Variants in SLC25A21 observed in about 807,000 individuals in gnomAD.
SLC25A21 encodes the protein mitochondrial 2-oxodicarboxylate carrier.
In SLC25A21, 47 loss-of-function variants were observed where a neutral mutation model predicts 43.8. The observed-to-expected ratio is 1.07, with a 90% CI of 0.85 to 1.37. The LOEUF is 1.37. Ranked by LOEUF, SLC25A21 falls within the 40% of genes most tolerant of loss-of-function variation. The pLI is 0.00. For synonymous variants in SLC25A21, 131 were observed against 121.3 expected, an observed-to-expected ratio of 1.08 and a Z score of -0.52; for missense variants, 352 against 350.2, an observed-to-expected ratio of 1.00 and a Z score of -0.04.
chr14:36,684,456 T>A (rs775827844), intron 8 of SLC25A21, among the ~76,000 whole-genome samples: 5 of 152,160 alleles, frequency 3.3e-5, no homozygotes, highest in African/African-American at 4.8e-5. Context: ...TCTGCCTATA[T>A]ATTAGAAGGA....
At chr14:37,145,313 T>C (rs925927403) in intron 1 of SLC25A21, among the ~76,000 whole-genome samples, 2 of 152,024 alleles carry the variant, frequency 1.3e-5, no homozygotes, top group Non-Finnish European at 2.9e-5. Context: ...TTGCCCAGGC[T>C]GGAGTCAAAC....
intron 2 of SLC25A21, among the ~76,000 whole-genome samples, chr14:36,849,367 G>A (rs1188963597): frequency 6.6e-6 from 1 of 152,098 alleles, no homozygotes; most frequent in Non-Finnish European, 1.5e-5. Context: ...ACACGTTTGT[G>A]AAATGACACC....
rs193267498 is a variant in SLC25A21, at chr14:36,864,533, C to T, written c.119+10423G>A. ...CTTGGGCTTAGAAATTACAAAAAGA[C>T]ATTTCAGTTAAATGAAACAAATGCC... is the stretch of plus-strand genomic sequence containing the variant. On this transcript the variant is annotated intron_variant, in intron 2 of 9. Transcript: ENST00000331299. Among the ~76,000 whole-genome samples the T allele has an allele frequency of 2.9e-4, 44 of 152,292 alleles. No homozygotes were observed. The East Asian group carries it at 4.6e-3, about 16-fold the overall frequency.
rs17104976 is a variant in SLC25A21, at chr14:36,678,158, C to T, written c.*2500G>A. ...TCCGGTCTGTGCTGTGCACAGTCTA[C>T]ATGGCAATGCGGTTCCACCACATCG... On this transcript the variant is annotated 3_prime_UTR_variant, in exon 10 of 10. Transcript: ENST00000331299. 5,600 of 383,520 alleles carry T rather than the reference C, an allele frequency of 0.015. 247 individuals are homozygous for T. The highest frequency in any genetic ancestry group is 0.098 in the African/African-American group (4,910 of 49,862). 23.8% of individuals were successfully genotyped at this position (383,520 alleles called of 1,614,324 possible). A position where few individuals can be genotyped will look rare whatever the true frequency, so the allele number is the denominator to read the frequency against.
At chr14:36,958,345 A>G (rs1959395867) in intron 1 of SLC25A21, among the ~76,000 whole-genome samples, 1 of 152,228 alleles carries the variant, frequency 6.6e-6, no homozygotes, top group African/African-American at 2.4e-5. Flanking sequence ...TGTCCCATGT[A>G]ATTGGCATTT....
intron 2 of SLC25A21, among the ~76,000 whole-genome samples, chr14:36,830,395 C>G (rs138134312): frequency 9.5e-4 from 144 of 152,268 alleles, no homozygotes; most frequent in African/African-American, 3.3e-3. Context: ...AGTAAATTGT[C>G]TAACCTAAGG....
intron 1 of SLC25A21, among the ~76,000 whole-genome samples, chr14:37,119,763 A>G (rs7142723): frequency 0.94 from 143,051 of 152,102 alleles, 67,403 homozygotes; most frequent in East Asian, 1. Context: ...TCTGGATGGG[A>G]ACCCCTTTCT....
chr14:36,790,480 G>GA (rs1480446826), intron 3 of SLC25A21, among the ~76,000 whole-genome samples: 1 of 151,954 alleles, frequency 6.6e-6, no homozygotes, highest in East Asian at 1.9e-4. Flanking sequence ...TTAGCTCACA[G>GA]AAAAAAATAT....
Position 36,678,161 on chromosome 14 carries a change from G to T in SLC25A21, c.*2497C>A. 2.5e-6 allele frequency: 1 copy of T among 393,620 alleles called. No homozygotes were observed. The highest frequency in any genetic ancestry group is 4.7e-6 in the Non-Finnish European group (1 of 213,262). The allele number at this position is 393,620 out of a possible 1,614,324, so 24.4% of individuals were successfully genotyped here. ...GGTCTGTGCTGTGCACAGTCTACAT[G>T]GCAATGCGGTTCCACCACATCGGTT... On this transcript the variant is annotated 3_prime_UTR_variant, in exon 10 of 10. Transcript: ENST00000331299.
rs1484029399 is a variant in SLC25A21, at chr14:37,162,405, A to G, written c.70+9876T>C. On this transcript the variant is annotated intron_variant, in intron 1 of 9. Coordinates refer to ENST00000331299, the MANE Select transcript of SLC25A21 (RefSeq NM_030631.4). ...GGGTTTACTCATCTAACAAAGGGCT[A>G]ATATCCAGAATCTACAATGAACTCA... is the stretch of plus-strand genomic sequence containing the variant. 8.2e-5 allele frequency among the ~76,000 whole-genome samples: 5 copies of G among 61,224 alleles called. No homozygotes were observed. In the Admixed American group the frequency reaches 8.4e-4, roughly 10 times the overall value. 40.2% of individuals were successfully genotyped at this position (61,224 alleles called of 152,430 possible).
intron 3 of SLC25A21, among the ~76,000 whole-genome samples, chr14:36,745,047 T>C (rs912408869): frequency 1.4e-5 from 2 of 138,986 alleles, no homozygotes; most frequent in East Asian, 2.5e-4. Context: ...CCTGTGTCCA[T>C]GTGTTCTCAT....
At chr14:36,931,310 T>G (rs1892281993) in intron 1 of SLC25A21, among the ~76,000 whole-genome samples, 1 of 152,176 alleles carries the variant, frequency 6.6e-6, no homozygotes, top group Non-Finnish European at 1.5e-5. Context: ...GGGAGGCTTC[T>G]CAGAGGCATT....
chr14:36,884,978 G>A (rs375061218), intron 1 of SLC25A21, among the ~76,000 whole-genome samples: 1 of 152,060 alleles, frequency 6.6e-6, no homozygotes, highest in East Asian at 1.9e-4. Context: ...TTAGTTTGGC[G>A]CAATTCCATT....
At chr14:36,928,028 G>A (rs1031913820) in intron 1 of SLC25A21, among the ~76,000 whole-genome samples, 6 of 152,016 alleles carry the variant, frequency 3.9e-5, no homozygotes, top group African/African-American at 1.2e-4. Flanking sequence ...TGTTAAATAC[G>A]GCTACAATGC....
At chr14:36,865,916 A>G (rs1391169575) in intron 2 of SLC25A21, among the ~76,000 whole-genome samples, 1 of 152,138 alleles carries the variant, frequency 6.6e-6, no homozygotes, top group East Asian at 1.9e-4. Context: ...AGTGATTAAT[A>G]TGTTTTGAGA....
chr14:36,834,124 T>C (rs568067755), intron 2 of SLC25A21, among the ~76,000 whole-genome samples: 34 of 152,270 alleles, frequency 2.2e-4, no homozygotes, highest in Middle Eastern at 3.4e-3. Flanking sequence ...AGGGAAATAA[T>C]AGCAACCTAA....
intron 8 of SLC25A21, 78 bp downstream of exon 8, chr14:36,684,666 A>G: frequency 7.3e-7 from 1 of 1,373,206 alleles, no homozygotes; most frequent in Non-Finnish European, 9.8e-7. Context: ...ACTGGTTCTC[A>G]TCTAAATGGA....
At position 37,011,407 on chromosome 14, in the gene SLC25A21, A is replaced by C. The variant is rs1055025402; in HGVS notation, c.71-136403T>G. ...CAAGGACTCTAATTGAGATAATAAA[A>C]GTAATAAAGATTTATGTTTTTTGTG... is the stretch of plus-strand genomic sequence containing the variant. On this transcript the variant is annotated intron_variant, in intron 1 of 9. Coordinates refer to ENST00000331299, the MANE Select transcript of SLC25A21 (RefSeq NM_030631.4). Among the ~76,000 whole-genome samples the C allele has an allele frequency of 4.0e-4, 61 of 151,998 alleles. 1 individual carries two copies. Among genetic ancestry groups the C allele is most frequent in the Non-Finnish European group, 1.0e-4 (7 of 68,044 alleles).
At chr14:37,009,903 TAAG>T (rs1960692927) in intron 1 of SLC25A21, among the ~76,000 whole-genome samples, 1 of 152,126 alleles carries the variant, frequency 6.6e-6, no homozygotes, top group South Asian at 2.1e-4. Flanking sequence ...TTAAAAAACT[TAAG>T]AAATTTTGAC....
Sources: gnomAD v4.1 joint callset for allele counts (sites outside exome capture counted in the v4.1 genomes callset) on GRCh38, gnomAD v4.1.1 for gene constraint, MANE v1.5 for transcripts, NCBI Gene and HGNC (gene_info 2026-07-23, HGNC 2026-07-21) for gene names.